CREBBP: variants seen among roughly 807,000 people sequenced by gnomAD.
The protein encoded by CREBBP is CREB binding lysine acetyltransferase, also known as CREB-binding protein.
In CREBBP, 19 loss-of-function variants were observed where a neutral mutation model predicts 265.0. The ratio of observed to expected loss-of-function variants is 0.07; its 90% CI spans 0.05 to 0.11. The LOEUF (loss-of-function observed/expected upper bound fraction) is 0.11. Among genes scored for constraint, CREBBP ranks in the 10% least tolerant of loss-of-function variants. The probability of loss-of-function intolerance (pLI) is 1.00; values close to 1 mark genes in which losing one functional copy is unlikely to be tolerated. For synonymous variants in CREBBP, 1,457 were observed against 1,223.7 expected, an observed-to-expected ratio of 1.19 and a Z score of -3.98; for missense variants, 2,525 against 3,219.0, an observed-to-expected ratio of 0.78 and a Z score of 5.22.
At chr16:3,736,243 AC>A (rs1206518163) in intron 27 of CREBBP, 40 bp from the exon 28 acceptor site, 5 of 1,597,452 alleles carry the variant, frequency 3.1e-6, no homozygotes, top group Non-Finnish European at 3.4e-6. Flanking sequence ...AGGGCCATGC[AC>A]GCGTGCCCCC....
intron 1 of CREBBP, among the ~76,000 whole-genome samples, chr16:3,859,526 T>C (rs2055030183): frequency 6.6e-6 from 1 of 152,218 alleles, no homozygotes; most frequent in African/African-American, 2.4e-5. Context: ...ACGAATTGAC[T>C]GATGGCTGGC....
intron 3 of CREBBP, among the ~76,000 whole-genome samples, chr16:3,796,567 A>G (rs2053613138): frequency 6.6e-6 from 1 of 151,908 alleles, no homozygotes; most frequent in Non-Finnish European, 1.5e-5. Flanking sequence ...TTGTATTTTT[A>G]GTAGAGATGG....
intron 2 of CREBBP, among the ~76,000 whole-genome samples, chr16:3,849,415 GTGTGTGTGTGTGTGTGTGTGT>G (rs2054740997): frequency 1.6e-4 from 1 of 6,302 alleles, no homozygotes; most frequent in African/African-American, 1.9e-4. Flanking sequence ...GTGTGTGTGT[GTGTGTGTGTGTGTGTGTGTGT>G]GTGTGTGTGT....
intron 2 of CREBBP, among the ~76,000 whole-genome samples, chr16:3,848,383 A>C (rs770362888): frequency 2.0e-5 from 3 of 152,138 alleles, no homozygotes; most frequent in Admixed American, 1.3e-4. Context: ...ATGATGTCAA[A>C]ACTATTTCCA....
chr16:3,860,750 G>A (rs1004842280), intron 1 of CREBBP, among the ~76,000 whole-genome samples: 3 of 152,102 alleles, frequency 2.0e-5, no homozygotes, highest in Non-Finnish European at 4.4e-5. Context: ...TCCTAGAGAT[G>A]AGGAATCTAG....
chr16:3,768,969 C>G (rs1276461537), intron 15 of CREBBP, among the ~76,000 whole-genome samples: 1 of 152,120 alleles, frequency 6.6e-6, no homozygotes, highest in Non-Finnish European at 1.5e-5. Flanking sequence ...TCATTTCGGG[C>G]AAAATAAACC....
intron 1 of CREBBP, among the ~76,000 whole-genome samples, chr16:3,853,981 C>CACACACAT (rs528259484): frequency 0.02 from 3,061 of 152,154 alleles, 111 homozygotes; most frequent in African/African-American, 0.069. Context: ...CACACACACA[C>CACACACAT]ACGAAAAAGA....
intron 2 of CREBBP, among the ~76,000 whole-genome samples, chr16:3,833,781 T>C (rs1443025228): frequency 1.3e-5 from 2 of 152,206 alleles, no homozygotes; most frequent in Non-Finnish European, 2.9e-5. Context: ...TTGTGATTGA[T>C]AAAATTGACT....
intron 3 of CREBBP, among the ~76,000 whole-genome samples, chr16:3,803,115 G>A (rs1431427775): frequency 2.0e-5 from 3 of 151,966 alleles, no homozygotes; most frequent in Non-Finnish European, 4.4e-5. Context: ...TTTCATAGAG[G>A]AAATGTTTCT....
chr16:3,804,801 C>T (rs1436075092), intron 3 of CREBBP, among the ~76,000 whole-genome samples: 4 of 152,222 alleles, frequency 2.6e-5, no homozygotes, highest in Admixed American at 2.0e-4. Flanking sequence ...TCTGGCTAGG[C>T]CTCCACTTTA....
chr16:3,783,791 C>G (rs748387062), intron 5 of CREBBP, among the ~76,000 whole-genome samples: 5 of 152,210 alleles, frequency 3.3e-5, no homozygotes, highest in Non-Finnish European at 4.4e-5. Flanking sequence ...GCTAGCTAAC[C>G]CCAGGAGACT....
Position 3,731,537 on chromosome 16 carries a change from G to A in CREBBP, c.4891-64C>T. On this transcript the variant is annotated intron_variant, in intron 29 of 30. Transcript: ENST00000262367. This position sits in a 1 kb window ranked among gnomAD's most constrained non-coding sequence, Gnocchi z 7.7. The stretch of plus-strand genomic sequence containing the variant: ...ATGGCACCTCCAGTGGTGAGCTCAG[G>A]GCAGGCGCAGCCACCCAGCCTGCAG... 1.3e-6 allele frequency: 2 copies of A among 1,543,404 alleles called. No homozygotes were observed. The highest frequency in any genetic ancestry group is 8.7e-7 in the Non-Finnish European group (1 of 1,145,266).
At chr16:3,821,500 A>G (rs944680706) in intron 2 of CREBBP, among the ~76,000 whole-genome samples, 2 of 152,350 alleles carry the variant, frequency 1.3e-5, no homozygotes. Flanking sequence ...AGTATTTTAC[A>G]CAAAGAACAG....
rs1419102527 is a variant in CREBBP at position 3,757,931 on chromosome 16, T to C, written c.3487A>G (p.Asn1163Asp). Residue 1163 changes from asparagine to aspartate, a missense_variant, in exon 18 of 31, where the codon AAT becomes GAT. By Grantham distance (23) the Asn-to-Asp change is conservative. Around this residue, in one of 19 missense-constraint regions of CREBBP, gnomAD observed 252 missense variants for 452.5 expected, o/e 0.56. Coordinates refer to ENST00000262367, the MANE Select transcript of CREBBP (RefSeq NM_004380.3). ...YVDDVWLMFN[N>D]AWLYNRKTSR... ...GTCTTGCGATTATAGAGCCAGGCAT[T>C]GTTGAACATGAGCCAGACGTCGTCC... is the stretch of plus-strand genomic sequence containing the variant. 1 of 1,614,078 alleles carries C rather than the reference T, an allele frequency of 6.2e-7. No homozygotes were observed. Among genetic ancestry groups the C allele is most frequent in the Non-Finnish European group, 8.5e-7 (1 of 1,180,030 alleles).
intron 13 of CREBBP, among the ~76,000 whole-genome samples, chr16:3,772,311 ATT>A (rs1284101791): frequency 7.0e-6 from 1 of 142,814 alleles, no homozygotes; most frequent in Non-Finnish European, 1.5e-5. Context: ...TAAAAAAAAA[ATT>A]CTCTCTGAAA....
At chr16:3,735,966 G>A (rs569211700) in intron 28 of CREBBP, 70 bp downstream of exon 28, 45 of 1,613,172 alleles carry the variant, frequency 2.8e-5, no homozygotes, top group Admixed American at 6.7e-5. Context: ...GTCGACACGC[G>A]CCTCCCAGCC....
intron 2 of CREBBP, among the ~76,000 whole-genome samples, chr16:3,816,061 TTC>T (rs1332624388): frequency 1.3e-5 from 2 of 152,194 alleles, no homozygotes; most frequent in Non-Finnish European, 2.9e-5. Context: ...TATTAGAAGT[TTC>T]TTTTACTCTG....
intron 6 of CREBBP, among the ~76,000 whole-genome samples, chr16:3,782,399 G>C (rs2053292405): frequency 6.6e-6 from 1 of 152,252 alleles, no homozygotes; most frequent in African/African-American, 2.4e-5. Flanking sequence ...TGACTTGTGA[G>C]ATCTGCATTC....
At chr16:3,778,317 C>A in intron 9 of CREBBP, 135 bp from the exon 10 acceptor site, 1 of 711,876 alleles carries the variant, frequency 1.4e-6, no homozygotes, top group African/African-American at 1.8e-5. Flanking sequence ...ACCTGATACA[C>A]CAGAAGCCCA....
Sources: allele counts gnomAD v4.1 joint callset (sites outside exome capture counted in the v4.1 genomes callset), GRCh38; gene constraint gnomAD v4.1.1; regional missense constraint gnomAD v4.1.1; non-coding constraint Gnocchi (gnomAD v3.1); transcripts MANE v1.5; gene names NCBI Gene and HGNC (gene_info 2026-07-23, HGNC 2026-07-21).